DNER: variants seen among roughly 807,000 people sequenced by gnomAD.
DNER encodes delta/notch like EGF repeat containing.
DNER carries 33 observed loss-of-function variants against 78.2 expected under a neutral mutation model. The ratio of observed to expected loss-of-function variants is 0.42; its 90% CI spans 0.32 to 0.56. The LOEUF (loss-of-function observed/expected upper bound fraction) is 0.56, where lower values mean the gene tolerates loss of function less well. Ranked by LOEUF, DNER falls within the 20% of genes least tolerant of loss-of-function variation. The pLI is 0.11. For missense variants in DNER, 918 were observed against 975.3 expected, an observed-to-expected ratio of 0.94 and a Z score of 0.78; for synonymous variants, 417 against 384.8, an observed-to-expected ratio of 1.08 and a Z score of -0.98.
At chr2:229,540,930 C>T (rs566773109) in intron 5 of DNER, among the ~76,000 whole-genome samples, 34 of 152,194 alleles carry the variant, frequency 2.2e-4, no homozygotes, top group Non-Finnish European at 4.1e-4. Flanking sequence ...AGAGTGGAGG[C>T]CTGATCCCAT....
At chr2:229,698,599 A>C (rs1699696782) in intron 1 of DNER, among the ~76,000 whole-genome samples, 1 of 152,190 alleles carries the variant, frequency 6.6e-6, no homozygotes, top group Non-Finnish European at 1.5e-5. Flanking sequence ...TCACGCTGTT[A>C]AGTTTGAACG....
At chr2:229,397,846 TA>T (rs1397090910) in intron 10 of DNER, among the ~76,000 whole-genome samples, 1 of 151,986 alleles carries the variant, frequency 6.6e-6, no homozygotes, top group Non-Finnish European at 1.5e-5. Context: ...AAATACAACA[TA>T]AACTTTGTGA....
intron 6 of DNER, among the ~76,000 whole-genome samples, chr2:229,484,092 T>C (rs1033598750): frequency 6.6e-6 from 1 of 152,192 alleles, no homozygotes; most frequent in South Asian, 2.1e-4. Context: ...AACTTAAACA[T>C]TTCCTGGCAC....
At chr2:229,688,905 G>A (rs889983060) in intron 1 of DNER, among the ~76,000 whole-genome samples, 1 of 152,082 alleles carries the variant, frequency 6.6e-6, no homozygotes, top group Admixed American at 6.6e-5. Flanking sequence ...AATCAAACAC[G>A]GCATGTTCTC....
chr2:229,526,868 G>A (rs1289877957), intron 5 of DNER, among the ~76,000 whole-genome samples: 1 of 152,150 alleles, frequency 6.6e-6, no homozygotes, highest in Non-Finnish European at 1.5e-5. Flanking sequence ...GGAAGTCTTT[G>A]AGCCAACACA....
At chr2:229,691,955 T>C (rs1574568280) in intron 1 of DNER, among the ~76,000 whole-genome samples, 1 of 152,162 alleles carries the variant, frequency 6.6e-6, no homozygotes, top group African/African-American at 2.4e-5. Flanking sequence ...TTGCTGGCAA[T>C]ATGAATAGTG....
At chr2:229,589,880 A>G (rs920112591) in intron 2 of DNER, among the ~76,000 whole-genome samples, 1 of 148,208 alleles carries the variant, frequency 6.7e-6, no homozygotes, top group Non-Finnish European at 1.5e-5. Flanking sequence ...TGCAGTCTGA[A>G]TGTGGCCTTC....
chr2:229,600,805 A>G (rs920015706), intron 1 of DNER, among the ~76,000 whole-genome samples: 1 of 152,224 alleles, frequency 6.6e-6, no homozygotes, highest in African/African-American at 2.4e-5. Context: ...GCCAAGGCTA[A>G]ATATAGAACT....
At chr2:229,667,675 C>T (rs979751761) in intron 1 of DNER, among the ~76,000 whole-genome samples, 2 of 152,150 alleles carry the variant, frequency 1.3e-5, no homozygotes, top group African/African-American at 4.8e-5. Flanking sequence ...TGTCACTACC[C>T]CCAATGCATT....
chr2:229,522,238 G>A (rs1014740903), intron 5 of DNER, among the ~76,000 whole-genome samples: 2 of 152,212 alleles, frequency 1.3e-5, no homozygotes, highest in Non-Finnish European at 1.5e-5. Context: ...AGGAAATGCT[G>A]TAGAAGTCTT....
chr2:229,498,584 G>C (rs78194887), intron 6 of DNER, among the ~76,000 whole-genome samples: 18,984 of 152,132 alleles, frequency 0.12, 1,326 homozygotes, highest in South Asian at 0.2. Context: ...GATACAAAAT[G>C]AACATACAAA....
intron 1 of DNER, among the ~76,000 whole-genome samples, chr2:229,623,702 C>A (rs1194490078): frequency 1.3e-5 from 2 of 152,216 alleles, no homozygotes; most frequent in African/African-American, 2.4e-5. Context: ...CACAGAGCTG[C>A]TGTCATTGGA....
chr2:229,483,236 A>C (rs1695202898), intron 6 of DNER, among the ~76,000 whole-genome samples: 1 of 152,182 alleles, frequency 6.6e-6, no homozygotes, highest in African/African-American at 2.4e-5. Flanking sequence ...CGCCAACTGC[A>C]ATTCATTTGG....
In DNER at chr2:229,407,212, C is replaced by G. The variant is rs764758973; in HGVS notation, c.1723+20G>C. Reference sequence around the variant, plus strand: ...GCACTTTGTGGTAAATTTGAAAACTCAGTCCCTGGAATCACTTGCCTGTAA... The same window carrying G: ...GCACTTTGTGGTAAATTTGAAAACTGAGTCCCTGGAATCACTTGCCTGTAA... On this transcript the variant is annotated intron_variant, in intron 10 of 12. Transcript: ENST00000341772. The G allele has an allele frequency of 1.3e-6, 2 of 1,588,118 alleles. No homozygotes were observed. Among genetic ancestry groups the G allele is most frequent in the Non-Finnish European group, 1.7e-6 (2 of 1,160,436 alleles).
chr2:229,640,361 A>C (rs998629828), intron 1 of DNER, among the ~76,000 whole-genome samples: 1 of 152,216 alleles, frequency 6.6e-6, no homozygotes, highest in African/African-American at 2.4e-5. Context: ...AAATGTGCCA[A>C]ATTATTTAAA....
At chr2:229,600,311 A>G (rs996190734) in intron 1 of DNER, among the ~76,000 whole-genome samples, 3 of 152,234 alleles carry the variant, frequency 2.0e-5, no homozygotes, top group African/African-American at 4.8e-5. Flanking sequence ...CGCCTGGCCC[A>G]CAAAGCCTAT....
intron 8 of DNER, among the ~76,000 whole-genome samples, chr2:229,419,397 T>C (rs1219488551): frequency 6.6e-6 from 1 of 152,206 alleles, no homozygotes; most frequent in African/African-American, 2.4e-5. Flanking sequence ...ACTGACTGTG[T>C]TCGTTCTGAA....
chr2:229,639,940 C>T (rs1698588270), intron 1 of DNER, among the ~76,000 whole-genome samples: 1 of 152,196 alleles, frequency 6.6e-6, no homozygotes, highest in Non-Finnish European at 1.5e-5. Context: ...CAAGGGACAA[C>T]CCTCCATTTG....
chr2:229,367,653 G>A (rs192529244), intron 11 of DNER, among the ~76,000 whole-genome samples: 1 of 151,946 alleles, frequency 6.6e-6, no homozygotes, highest in Admixed American at 6.5e-5. Flanking sequence ...GATATAAGGA[G>A]GAATTCATCA....
Sources: allele counts gnomAD v4.1 joint callset (sites outside exome capture counted in the v4.1 genomes callset), GRCh38; gene constraint gnomAD v4.1.1; transcripts MANE v1.5; gene names NCBI Gene and HGNC (gene_info 2026-07-23, HGNC 2026-07-21).